The following PBLD variants were observed in gnomAD, a reference collection of about 807,000 sequenced individuals.
The protein encoded by PBLD is phenazine biosynthesis-like domain-containing protein.
PBLD carries 26 observed loss-of-function variants against 31.3 expected under a neutral mutation model. The observed-to-expected ratio is 0.83, with a 90% CI of 0.61 to 1.15. The LOEUF (loss-of-function observed/expected upper bound fraction) is 1.15, where lower values mean the gene tolerates loss of function less well. Ranked by LOEUF, PBLD falls within the 50% of genes most tolerant of loss-of-function variation. The pLI, the probability that PBLD is intolerant of heterozygous loss-of-function variation, is 0.00. For synonymous variants in PBLD, 114 were observed against 129.0 expected, an observed-to-expected ratio of 0.88 and a Z score of 0.79; for missense variants, 307 against 351.7, an observed-to-expected ratio of 0.87 and a Z score of 1.02.
In PBLD at chr10:68,292,222, C is replaced by G. The variant is rs757701012; in HGVS notation, c.300G>C (p.Thr100=). 2.5e-6 allele frequency: 4 copies of G among 1,613,188 alleles called. No homozygotes were observed. The South Asian group carries it at 4.4e-5, about 18-fold the overall frequency. The change falls in exon 5 of 10, where the codon ACG becomes ACC. Residue 100 remains threonine (T), a synonymous_variant. Transcript: ENST00000358769. The stretch of plus-strand genomic sequence containing the variant: ...CTCCACTCAGAGTGACAAACGTGAG[C>G]GTGCTATTCATGTTTTCTGGCCAAA... The part of the protein sequence containing the change: ...LFHKIKNMNS[T]LTFVTLSGEL...
At chr10:68,299,218 G>A (rs772367562) in intron 2 of PBLD, among the ~76,000 whole-genome samples, 10 of 150,568 alleles carry the variant, frequency 6.6e-5, no homozygotes, top group Non-Finnish European at 1.5e-4. Flanking sequence ...TTTTAAAGAA[G>A]TTTCAAGAAA....
chr10:68,300,385 G>T (rs896619912), intron 2 of PBLD, among the ~76,000 whole-genome samples: 2 of 152,156 alleles, frequency 1.3e-5, no homozygotes, highest in African/African-American at 4.8e-5. Flanking sequence ...ACATGCTACA[G>T]ACAGGGAAAA....
At chr10:68,309,858 A>T (rs1589663976) in intron 1 of PBLD, among the ~76,000 whole-genome samples, 2 of 149,752 alleles carry the variant, frequency 1.3e-5, no homozygotes, top group South Asian at 4.3e-4. Context: ...TATGTAGGCC[A>T]GGCACGGCGG....
rs971828945 is a variant in PBLD, at chr10:68,308,491, T to C, written c.-59-1588A>G. Reference sequence around the variant, plus strand: ...GACAGTATATGAGAGTGTCTGATCATTGCTAATCTGATAGATTTTAAAATA... The same window carrying C: ...GACAGTATATGAGAGTGTCTGATCACTGCTAATCTGATAGATTTTAAAATA... On this transcript the variant is annotated intron_variant, in intron 1 of 9. Transcript: ENST00000358769. 1.5e-5 allele frequency among the ~76,000 whole-genome samples: 2 copies of C among 137,844 alleles called. 1 individual carries two copies. The highest frequency in any genetic ancestry group is 3.1e-5 in the Non-Finnish European group (2 of 64,278). The allele number at this position is 137,844 out of a possible 152,430, so 90.4% of individuals were successfully genotyped here.
chr10:68,330,362 G>A (rs528710024), intron 1 of PBLD, among the ~76,000 whole-genome samples: 100 of 152,226 alleles, frequency 6.6e-4, no homozygotes, highest in African/African-American at 2.3e-3. Context: ...CTCCTACGTT[G>A]CTAACACCTC....
At position 68,309,321 on chromosome 10, in the gene PBLD, C is replaced by T. The variant is rs573606921; in HGVS notation, c.-59-2418G>A. 4.1e-5 allele frequency among the ~76,000 whole-genome samples: 6 copies of T among 145,292 alleles called. No individual in the cohort carries two copies. In the South Asian group the frequency reaches 1.4e-3, roughly 33 times the overall value. On this transcript the variant is annotated intron_variant, in intron 1 of 9. Transcript: ENST00000358769. ...ACTTGGGAGGCCGAGGCAGGAGAAT[C>T]GCTTGAACCTGTGAGGCGGAAGTTG...
intron 4 of PBLD, among the ~76,000 whole-genome samples, chr10:68,293,572 C>T (rs781247049): frequency 6.6e-6 from 1 of 152,188 alleles, no homozygotes; most frequent in Non-Finnish European, 1.5e-5. Context: ...TTTCTCATTA[C>T]GATTTGCATA....
intron 1 of PBLD, among the ~76,000 whole-genome samples, chr10:68,321,263 T>G (rs1482488592): frequency 2.0e-5 from 3 of 152,238 alleles, no homozygotes; most frequent in Non-Finnish European, 4.4e-5. Context: ...TGACTGTAGC[T>G]GGAGATTTCA....
intron 4 of PBLD, among the ~76,000 whole-genome samples, chr10:68,293,439 C>G (rs902519353): frequency 5.3e-5 from 8 of 152,140 alleles, no homozygotes; most frequent in African/African-American, 1.7e-4. Context: ...AGAATGCTGA[C>G]CCAATTCTTT....
rs968640242 is a variant in PBLD, at chr10:68,283,483, C to T, written c.*694G>A. The T allele has an allele frequency of 6.6e-6, 1 of 152,058 alleles. No homozygotes were observed. The highest frequency in any genetic ancestry group is 2.4e-5 in the African/African-American group (1 of 41,406). 9.4% of individuals were successfully genotyped at this position (152,058 alleles called of 1,614,324 possible). A position where few individuals can be genotyped will look rare whatever the true frequency, so the allele number is the denominator to read the frequency against. On this transcript the variant is annotated 3_prime_UTR_variant, in exon 10 of 10. Coordinates refer to ENST00000358769, the MANE Select transcript of PBLD (RefSeq NM_022129.4). ...TAGTATTATATTATAAAATATTTTT[C>T]TATATTTCCACATAGTTATTGACTC...
chr10:68,329,978 A>C (rs2044989203), intron 1 of PBLD, among the ~76,000 whole-genome samples: 1 of 152,112 alleles, frequency 6.6e-6, no homozygotes, highest in African/African-American at 2.4e-5. Context: ...CTGTAAAATG[A>C]AGATACTTAT....
At chr10:68,316,743 T>C (rs944440716) in intron 1 of PBLD, among the ~76,000 whole-genome samples, 2 of 152,204 alleles carry the variant, frequency 1.3e-5, no homozygotes, top group African/African-American at 4.8e-5. Flanking sequence ...TGGGGTACAG[T>C]GGCTCATGCC....
intron 1 of PBLD, among the ~76,000 whole-genome samples, chr10:68,319,118 G>GAAAGGAA (rs2044792599): frequency 7.2e-6 from 1 of 138,164 alleles, no homozygotes; most frequent in South Asian, 2.3e-4. Context: ...AAAGGAAAAA[G>GAAAGGAA]AAAGAAAGAG....
At chr10:68,294,777 G>C (rs753875560) in intron 4 of PBLD, among the ~76,000 whole-genome samples, 98 of 152,128 alleles carry the variant, frequency 6.4e-4, no homozygotes, top group Non-Finnish European at 1.0e-3. Flanking sequence ...GCCCAGGCTG[G>C]AGTGCAATGG....
Position 68,332,908 on chromosome 10 carries a change from G to C in PBLD, c.-184C>G, listed in dbSNP as rs977602216. ...TCCCAAATCCAGGACAAAGGAGGCA[G>C]ACGGCCTCCTTTGTAATTCTGCCGC... On this transcript the variant is annotated 5_prime_UTR_variant, in exon 1 of 10. Coordinates refer to ENST00000358769, the MANE Select transcript of PBLD (RefSeq NM_022129.4). 6.6e-6 allele frequency: 1 copy of C among 152,242 alleles called. No homozygotes were observed. The highest frequency in any genetic ancestry group is 6.5e-5 in the Admixed American group (1 of 15,286). The allele number at this position is 152,242 out of a possible 1,614,324, so 9.4% of individuals were successfully genotyped here.
At chr10:68,293,736 A>G (rs2044388930) in intron 4 of PBLD, among the ~76,000 whole-genome samples, 1 of 152,152 alleles carries the variant, frequency 6.6e-6, no homozygotes, top group Non-Finnish European at 1.5e-5. Flanking sequence ...TTGCTTTGGG[A>G]GGCCGAGGCG....
Position 68,292,029 on chromosome 10 carries a change from T to C in PBLD, c.404A>G (p.Glu135Gly). 1 of 1,590,360 alleles carries C rather than the reference T, an allele frequency of 6.3e-7. No individual in the cohort carries two copies. Among genetic ancestry groups the C allele is most frequent in the Non-Finnish European group, 8.6e-7 (1 of 1,158,736 alleles). ...LYPAHPQDFHEVEDLIKTAIG... is the reference protein window; with the variant it reads ...LYPAHPQDFHGVEDLIKTAIG... ...ACCAACCTTTATCAAGTCCTCTACT[T>C]CATGGAAGTCCTAGATGGGGGGAAA... The change falls in exon 6 of 10, where the codon GAA (glutamate) becomes GGA (glycine). Residue 135 changes from glutamate (E) to glycine (G), a missense_variant. Transcript: ENST00000358769.
intron 2 of PBLD, among the ~76,000 whole-genome samples, chr10:68,297,553 C>T (rs915098445): frequency 2.0e-5 from 3 of 152,158 alleles, no homozygotes; most frequent in Non-Finnish European, 2.9e-5. Flanking sequence ...GGCCTCGCCA[C>T]CTCTGATTCT....
rs748915400 is a variant in PBLD at position 68,330,408 on chromosome 10, C to T, written c.-60+2376G>A. On this transcript the variant is annotated intron_variant, in intron 1 of 9. Coordinates refer to ENST00000358769, the MANE Select transcript of PBLD (RefSeq NM_022129.4). ...CCCAACAGGCTTCCCAATGTCTGTA[C>T]CACAAAGTTGAAAGTCTTTTGGCCG... 3.3e-5 allele frequency among the ~76,000 whole-genome samples: 5 copies of T among 152,298 alleles called. No homozygotes were observed. In the South Asian group the frequency reaches 6.2e-4, roughly 19 times the overall value.
Sources: gnomAD v4.1 joint callset for allele counts (sites outside exome capture counted in the v4.1 genomes callset) on GRCh38, gnomAD v4.1.1 for gene constraint, MANE v1.5 for transcripts, NCBI Gene and HGNC (gene_info 2026-07-23, HGNC 2026-07-21) for gene names.